NFX1: variants seen among roughly 807,000 people sequenced by gnomAD.
NFX1 encodes the protein nuclear transcription factor, X-box binding 1, also known as transcriptional repressor NF-X1.
In NFX1, 69 loss-of-function variants were observed where a neutral mutation model predicts 137.2. The ratio of observed to expected loss-of-function variants is 0.50; its 90% confidence interval spans 0.41 to 0.61. NFX1 has a LOEUF of 0.61. Ranked by LOEUF, NFX1 falls within the 20% of genes least tolerant of loss-of-function variation. NFX1 has a pLI of 0.00. For missense variants in NFX1, 1,167 were observed against 1,391.0 expected (o/e 0.84, Z 2.56); for synonymous variants, 495 against 474.1 (o/e 1.04, Z -0.57).
At position 33,313,784 on chromosome 9, in the gene NFX1, T is replaced by G. The variant is rs762174406; in HGVS notation, c.1579T>G (p.Leu527Val). ...TCAGTGCCAGCCTTGCCAGATCATT[T>G]TGAACCAGGGTAAGTGGTGGGCACA... ...GGQCQPCQII[L>V]NQVCYCGSTS... The change falls in exon 7 of 24, where the codon TTG (leucine) becomes GTG (valine). Residue 527 changes from leucine to valine, a missense_variant. Physicochemically the swap from Leu to Val is conservative, Grantham distance 32 (BLOSUM62 1). Around this residue, in one of 3 missense-constraint regions of NFX1, gnomAD observed 488 missense variants for 691.5 expected, o/e 0.71. Coordinates refer to ENST00000379540, the MANE Select transcript of NFX1 (RefSeq NM_002504.6). The G allele has an allele frequency of 6.2e-7, 1 of 1,613,854 alleles. No individual in the cohort carries two copies.
chr9:33,325,342 A>G (rs967831941), intron 9 of NFX1, among the ~76,000 whole-genome samples: 3 of 152,190 alleles, frequency 2.0e-5, no homozygotes, highest in Non-Finnish European at 4.4e-5. Flanking sequence ...AGAAGGCAGT[A>G]GGATGACATA....
At position 33,321,678 on chromosome 9, in the gene NFX1, C is replaced by T. The variant is rs1822389310; in HGVS notation, c.1906+2551C>T. 1.3e-5 allele frequency among the ~76,000 whole-genome samples: 2 copies of T among 152,138 alleles called. 1 individual carries two copies. On this transcript the variant is annotated intron_variant, in intron 9 of 23. Transcript: ENST00000379540. ...ACTGCTTGAGTCCAGGACTTTGAGA[C>T]CAGCCTGGGCAACATGGCAAGACCC...
At chr9:33,302,679 T>C (rs995811637) in intron 3 of NFX1, among the ~76,000 whole-genome samples, 10 of 150,464 alleles carry the variant, frequency 6.6e-5, no homozygotes, top group African/African-American at 9.8e-5. Context: ...TTGTTTTTGT[T>C]TTTTTTTTGA....
chr9:33,350,697 A>G (rs1823604956), intron 15 of NFX1, among the ~76,000 whole-genome samples: 1 of 152,232 alleles, frequency 6.6e-6, no homozygotes, highest in South Asian at 2.1e-4. Flanking sequence ...TTTTTTAAAA[A>G]TACAGCTTTT....
chr9:33,342,881 T>G (rs752496378), intron 13 of NFX1, 27 bp downstream of exon 13: 22 of 1,466,036 alleles, frequency 1.5e-5, no homozygotes, highest in Non-Finnish European at 2.0e-5. Context: ...TATAGTTTAT[T>G]AGAAGAGTTT....
At chr9:33,305,655 A>G (rs76109044) in intron 4 of NFX1, among the ~76,000 whole-genome samples, 1,749 of 152,322 alleles carry the variant, frequency 0.011, 34 homozygotes, top group African/African-American at 0.041. Context: ...AAGGAGTGTG[A>G]TAGAAAAATA....
intron 10 of NFX1, among the ~76,000 whole-genome samples, chr9:33,328,897 A>T (rs1361538350): frequency 2.0e-5 from 3 of 152,214 alleles, no homozygotes; most frequent in Non-Finnish European, 4.4e-5. Context: ...CACTGTTGCA[A>T]GGAGTCAGCC....
chr9:33,315,467 A>G (rs1822125782), intron 7 of NFX1, among the ~76,000 whole-genome samples: 1 of 152,092 alleles, frequency 6.6e-6, no homozygotes, highest in South Asian at 2.1e-4. Context: ...GCCTTTCTCT[A>G]CATTTTATGT....
Position 33,336,090 on chromosome 9 carries a change from T to C in NFX1, c.2036-2420T>C, listed in dbSNP as rs1290478510. ...CTGGATCCAATGGTAATCTTGTGTT[T>C]AATTTTTTTGAAAAACTGCCATTCT... On this transcript the variant is annotated intron_variant, in intron 11 of 23. Transcript: ENST00000379540. Among the ~76,000 whole-genome samples the C allele has an allele frequency of 2.0e-5, 3 of 152,320 alleles. No individual in the cohort carries two copies. The East Asian group carries it at 5.8e-4, about 29-fold the overall frequency.
At chr9:33,369,486 A>G (rs1382449366) in intron 23 of NFX1, among the ~76,000 whole-genome samples, 30 of 152,294 alleles carry the variant, frequency 2.0e-4, no homozygotes, top group Admixed American at 2.0e-3. Context: ...CCCATTACCA[A>G]ATTTCAAAAT....
chr9:33,314,877 C>T (rs1822098398), intron 7 of NFX1, among the ~76,000 whole-genome samples: 2 of 151,910 alleles, frequency 1.3e-5, no homozygotes, highest in African/African-American at 4.8e-5. Flanking sequence ...ATATCCGAAA[C>T]CAATCAAAAC....
At chr9:33,317,756 A>C (rs1822225318) in intron 7 of NFX1, among the ~76,000 whole-genome samples, 1 of 151,814 alleles carries the variant, frequency 6.6e-6, no homozygotes, top group South Asian at 2.1e-4. Context: ...CAGGTGGATC[A>C]CCTGAGCTCA....
chr9:33,333,189 T>C (rs144219565), intron 11 of NFX1, among the ~76,000 whole-genome samples: 2 of 152,142 alleles, frequency 1.3e-5, no homozygotes, highest in African/African-American at 4.8e-5. Context: ...GTTGAAGCCA[T>C]TTTAAAACCT....
At chr9:33,343,967 C>T (rs1283885680) in intron 13 of NFX1, 102 bp from the exon 14 acceptor site, 2 of 1,517,900 alleles carry the variant, frequency 1.3e-6, no homozygotes, top group African/African-American at 2.8e-5. Context: ...AAATTCTCCT[C>T]TAAAAATACA....
At chr9:33,319,520 C>G (rs1822303438) in intron 9 of NFX1, among the ~76,000 whole-genome samples, 1 of 152,126 alleles carries the variant, frequency 6.6e-6, no homozygotes, top group African/African-American at 2.4e-5. Flanking sequence ...GAGACAGAGT[C>G]TGGTTTGGAG....
chr9:33,348,829 C>T, intron 15 of NFX1: 1 of 966,292 alleles, frequency 1.0e-6, no homozygotes, highest in Non-Finnish European at 1.2e-6. Flanking sequence ...CACATTTTTC[C>T]TTGCTGTGGT....
chr9:33,303,604 A>G (rs562901942), intron 4 of NFX1, among the ~76,000 whole-genome samples: 2 of 152,338 alleles, frequency 1.3e-5, no homozygotes, highest in East Asian at 3.9e-4. Context: ...GATAGTCCAG[A>G]TTTGAGCAGT....
intron 15 of NFX1, chr9:33,348,642 T>C (rs1823523520): frequency 2.0e-6 from 1 of 490,166 alleles, no homozygotes; most frequent in Non-Finnish European, 2.6e-6. Context: ...ACAGATAGAC[T>C]TGCTGGAGAC....
chr9:33,350,709 A>T (rs116709261), intron 15 of NFX1, among the ~76,000 whole-genome samples: 1,762 of 152,352 alleles, frequency 0.012, 34 homozygotes, highest in African/African-American at 0.041. Context: ...ACAGCTTTTA[A>T]GCTGGATGCA....
Sources: gnomAD v4.1 joint callset for allele counts (sites outside exome capture counted in the v4.1 genomes callset) on GRCh38, gnomAD v4.1.1 for gene constraint, gnomAD v4.1.1 regional missense constraint, MANE v1.5 for transcripts, NCBI Gene and HGNC (gene_info 2026-07-23, HGNC 2026-07-21) for gene names.